The following PPARA variants were observed in gnomAD, a reference collection of about 807,000 sequenced individuals.
PPARA encodes the protein peroxisome proliferator activated receptor alpha, also known as peroxisome proliferator-activated receptor alpha.
Under a neutral mutation model 42.2 loss-of-function variants are expected in PPARA, and 22 were observed. The ratio of observed to expected loss-of-function variants is 0.52; its 90% CI spans 0.37 to 0.74. The LOEUF (loss-of-function observed/expected upper bound fraction) is 0.74. PPARA is among the 30% of genes least tolerant of loss of function. The probability of loss-of-function intolerance (pLI) is 0.00; values close to 1 mark genes in which losing one functional copy is unlikely to be tolerated. For synonymous variants in PPARA, 242 were observed against 239.3 expected (o/e 1.01, Z -0.10); for missense variants, 465 against 608.2 (o/e 0.76, Z 2.48).
chr22:46,221,374 A>G lies in PPARA; in HGVS notation c.711+1360A>G, dbSNP rs1934989185. ...ACCATATCATAAGGCTAGAAAAGGA[A>G]ACCACTTACTTCCCACTCAAAATGT... is the stretch of plus-strand genomic sequence containing the variant. On this transcript the variant is annotated intron_variant, in intron 7 of 8. Coordinates refer to ENST00000407236, the MANE Select transcript of PPARA (RefSeq NM_005036.6). This position sits in a 1 kb window ranked among gnomAD's most constrained non-coding sequence, Gnocchi z 5.9. 6.6e-6 allele frequency among the ~76,000 whole-genome samples: 1 copy of G among 152,196 alleles called. No individual in the cohort carries two copies. The highest frequency in any genetic ancestry group is 6.5e-5 in the Admixed American group (1 of 15,274).
In PPARA at chr22:46,236,004, T is replaced by G. The variant is rs969952457; in HGVS notation, c.*624T>G. The G allele has an allele frequency of 6.5e-6, 1 of 154,878 alleles. No homozygotes were observed. Among genetic ancestry groups the G allele is most frequent in the Non-Finnish European group, 1.4e-5 (1 of 69,816 alleles). 9.6% of individuals were successfully genotyped at this position (154,878 alleles called of 1,614,324 possible). A position where few individuals can be genotyped will look rare whatever the true frequency, so the allele number is the denominator to read the frequency against. ...TCGCTCATACTTGTAATCCCAGCAC[T>G]TTGGGAGGCCGAGGCGGGTGGATCA... On this transcript the variant is annotated 3_prime_UTR_variant, in exon 9 of 9. Transcript: ENST00000407236. The surrounding 1 kb of genome is among the most constrained non-coding windows in gnomAD (Gnocchi z 5.2).
Position 46,215,306 on chromosome 22 carries a change from C to T in PPARA, c.342C>T (p.Tyr114=), listed in dbSNP as rs761662939. 1.2e-6 allele frequency: 2 copies of T among 1,614,056 alleles called. No homozygotes were observed. Among genetic ancestry groups the T allele is most frequent in the African/African-American group, 1.3e-5 (1 of 74,928 alleles). The stretch of plus-strand genomic sequence containing the variant: ...GGGACAAGGCCTCAGGCTATCATTA[C>T]GGAGTCCACGCGTGTGAAGGCTGCA... ...ICGDKASGYH[Y]GVHACEGCKG... The change falls in exon 5 of 9, where the codon TAC becomes TAT. Residue 114 remains tyrosine, a synonymous_variant. Transcript: ENST00000407236.
In PPARA at chr22:46,224,179, C is replaced by A. The variant is rs889249498; in HGVS notation, c.711+4165C>A. 3.3e-5 allele frequency among the ~76,000 whole-genome samples: 5 copies of A among 152,330 alleles called. No homozygotes were observed. In the East Asian group the frequency reaches 9.7e-4, roughly 29 times the overall value. ...TGTTTGCTCCAAGCCAGGGTTGCGT[C>A]CCACCCCATGTCCTTGTCTGCGCAC... On this transcript the variant is annotated intron_variant, in intron 7 of 8. Transcript: ENST00000407236. The surrounding 1 kb of genome is among the most constrained non-coding windows in gnomAD (Gnocchi z 5.7).
At chr22:46,213,530 C>T (rs1367679955) in intron 4 of PPARA, among the ~76,000 whole-genome samples, 1 of 151,872 alleles carries the variant, frequency 6.6e-6, no homozygotes, top group East Asian at 1.9e-4. Flanking sequence ...GCCTCAGCCT[C>T]CCAAGTAGCT....
chr22:46,214,247 C>A (rs934606612), intron 4 of PPARA, among the ~76,000 whole-genome samples: 1 of 152,266 alleles, frequency 6.6e-6, no homozygotes, highest in Non-Finnish European at 1.5e-5. Flanking sequence ...AAGGCGCGGG[C>A]CCATAGATGT....
At chr22:46,214,325 G>A (rs1391727326) in intron 4 of PPARA, among the ~76,000 whole-genome samples, 1 of 150,974 alleles carries the variant, frequency 6.6e-6, no homozygotes, top group Non-Finnish European at 1.5e-5. Context: ...GTGTGGGTCC[G>A]GAGATGTGCG....
Position 46,211,943 on chromosome 22 carries a change from C to T in PPARA, c.209-3230C>T, listed in dbSNP as rs766456195. 3.3e-4 allele frequency among the ~76,000 whole-genome samples: 50 copies of T among 152,256 alleles called. No individual in the cohort carries two copies. The highest frequency in any genetic ancestry group is 6.5e-4 in the Admixed American group (10 of 15,284). On this transcript the variant is annotated intron_variant, in intron 4 of 8. Transcript: ENST00000407236. This position sits in a 1 kb window ranked among gnomAD's most constrained non-coding sequence, Gnocchi z 4.1. ...TCCTGACCTTGTGATCCACCTACCT[C>T]GGCCTCCCAAAGTGTTGGGATTACA...
chr22:46,205,118 C>T (rs1276853290), intron 4 of PPARA, among the ~76,000 whole-genome samples: 2 of 152,060 alleles, frequency 1.3e-5, no homozygotes, highest in Admixed American at 1.3e-4. Context: ...CCCACTTCGG[C>T]CTCCCAAAGT....
rs1341960674 is a variant in PPARA, at chr22:46,173,452, G to A, written c.-126-3301G>A. Among the ~76,000 whole-genome samples, 1 of 152,096 alleles carries A rather than the reference G, an allele frequency of 6.6e-6. No individual in the cohort carries two copies. The highest frequency in any genetic ancestry group is 2.4e-5 in the African/African-American group (1 of 41,402). On this transcript the variant is annotated intron_variant, in intron 2 of 8. Transcript: ENST00000407236. This position sits in a 1 kb window ranked among gnomAD's most constrained non-coding sequence, Gnocchi z 4.3. ...CGAGTTAGAGGTTCTTATTAACTGT[G>A]GATTCTTCTATGCAGATATCTGTCA...
At position 46,160,444 on chromosome 22, in the gene PPARA, G is replaced by T. The variant is rs938004222; in HGVS notation, c.-127+8474G>T. Reference sequence around the variant, plus strand: ...CCTACATAGCTGGTACTACAGGCACGCGCCACCATGCCTGGCTAAATTGTT... The same window carrying T: ...CCTACATAGCTGGTACTACAGGCACTCGCCACCATGCCTGGCTAAATTGTT... On this transcript the variant is annotated intron_variant, in intron 2 of 8. Coordinates refer to ENST00000407236, the MANE Select transcript of PPARA (RefSeq NM_005036.6). This position sits in a 1 kb window ranked among gnomAD's most constrained non-coding sequence, Gnocchi z 4.5. Among the ~76,000 whole-genome samples, 1 of 151,528 alleles carries T rather than the reference G, an allele frequency of 6.6e-6. No individual in the cohort carries two copies. Among genetic ancestry groups the T allele is most frequent in the Non-Finnish European group, 1.5e-5 (1 of 67,894 alleles).
Position 46,231,673 on chromosome 22 carries a change from A to T in PPARA, c.712-119A>T, listed in dbSNP as rs933365672. ...AGGACTATGTTCCGCGGGTATCTTG[A>T]GTCCTCTGAGGCACTGAGCTTGGTG... On this transcript the variant is annotated intron_variant, in intron 7 of 8. Transcript: ENST00000407236. The surrounding 1 kb of genome is among the most constrained non-coding windows in gnomAD (Gnocchi z 7.7). 9.8e-7 allele frequency: 1 copy of T among 1,021,180 alleles called. No homozygotes were observed. Among genetic ancestry groups the T allele is most frequent in the Non-Finnish European group, 1.5e-6 (1 of 666,440 alleles). The allele number at this position is 1,021,180 out of a possible 1,614,324, so 63.3% of individuals were successfully genotyped here. A position where few individuals can be genotyped will look rare whatever the true frequency, so the allele number is the denominator to read the frequency against.
chr22:46,206,014 A>G (rs4253713), intron 4 of PPARA, among the ~76,000 whole-genome samples: 6,573 of 152,040 alleles, frequency 0.043, 397 homozygotes, highest in African/African-American at 0.14. Flanking sequence ...TTATCTCACA[A>G]TTTGTTCTCT....
chr22:46,161,855 C>A lies in PPARA; in HGVS notation c.-127+9885C>A, dbSNP rs1274503335. Among the ~76,000 whole-genome samples the A allele has an allele frequency of 6.6e-6, 1 of 152,120 alleles. No individual in the cohort carries two copies. Among genetic ancestry groups the A allele is most frequent in the Non-Finnish European group, 1.5e-5 (1 of 68,020 alleles). ...CCCTGCGCTTTTCTGGATGCCCCCA[C>A]CCCCTCTGGCTCCACGAGGCCCCCT... On this transcript the variant is annotated intron_variant, in intron 2 of 8. Coordinates refer to ENST00000407236, the MANE Select transcript of PPARA (RefSeq NM_005036.6). The surrounding 1 kb of genome is among the most constrained non-coding windows in gnomAD (Gnocchi z 4.8).
rs1376109790 is a variant in PPARA, at chr22:46,204,716, A to G, written c.208+6125A>G. On this transcript the variant is annotated intron_variant, in intron 4 of 8. Transcript: ENST00000407236. This position sits in a 1 kb window ranked among gnomAD's most constrained non-coding sequence, Gnocchi z 5.2. ...CATTTTTTAATTGAGTTGCTTTTCT[A>G]CTATTCACTATTGAACACTATTTAT... Among the ~76,000 whole-genome samples, 1 of 152,064 alleles carries G rather than the reference A, an allele frequency of 6.6e-6. No individual in the cohort carries two copies. The highest frequency in any genetic ancestry group is 1.5e-5 in the Non-Finnish European group (1 of 68,024).
rs897841657 is a variant in PPARA at position 46,224,173 on chromosome 22, T to C, written c.711+4159T>C. 6.6e-6 allele frequency among the ~76,000 whole-genome samples: 1 copy of C among 152,176 alleles called. No individual in the cohort carries two copies. Among genetic ancestry groups the C allele is most frequent in the East Asian group, 1.9e-4 (1 of 5,186 alleles). On this transcript the variant is annotated intron_variant, in intron 7 of 8. Transcript: ENST00000407236. This position sits in a 1 kb window ranked among gnomAD's most constrained non-coding sequence, Gnocchi z 5.7. ...TCACACTGTTTGCTCCAAGCCAGGG[T>C]TGCGTCCCACCCCATGTCCTTGTCT...
intron 4 of PPARA, among the ~76,000 whole-genome samples, chr22:46,201,550 C>A (rs1460018573): frequency 6.6e-6 from 1 of 152,146 alleles, no homozygotes; most frequent in Non-Finnish European, 1.5e-5. Flanking sequence ...CCTTGAGTGG[C>A]CTGGGTAGGT....
In PPARA at chr22:46,184,099, A is replaced by G. The variant is rs1315240533; in HGVS notation, c.-43+7263A>G. 6.6e-6 allele frequency among the ~76,000 whole-genome samples: 1 copy of G among 152,228 alleles called. No individual in the cohort carries two copies. The highest frequency in any genetic ancestry group is 1.5e-5 in the Non-Finnish European group (1 of 68,052). On this transcript the variant is annotated intron_variant, in intron 3 of 8. Transcript: ENST00000407236. The surrounding 1 kb of genome is among the most constrained non-coding windows in gnomAD (Gnocchi z 4.4). ...GTGCCTGGCATAGGATAAGGGCTCA[A>G]AAAGTGTTAGCTGGAACTACTATCA...
rs1160530345 is a variant in PPARA, at chr22:46,230,564, A to G, written c.712-1228A>G. On this transcript the variant is annotated intron_variant, in intron 7 of 8. Transcript: ENST00000407236. This position sits in a 1 kb window ranked among gnomAD's most constrained non-coding sequence, Gnocchi z 5.0. ...TCTCCCACACATGTAATCCCTTCTG[A>G]GCATGTTGGCTTCAAATAATATGGC... Among the ~76,000 whole-genome samples the G allele has an allele frequency of 6.6e-6, 1 of 152,132 alleles. No individual in the cohort carries two copies. Among genetic ancestry groups the G allele is most frequent in the East Asian group, 1.9e-4 (1 of 5,202 alleles).
In PPARA at chr22:46,238,547, G is replaced by A. The variant is rs955128511; in HGVS notation, c.*3167G>A. The A allele has an allele frequency of 3.9e-5, 6 of 152,216 alleles. No individual in the cohort carries two copies. The highest frequency in any genetic ancestry group is 1.9e-4 in the East Asian group (1 of 5,196). The allele number at this position is 152,216 out of a possible 1,614,324, so 9.4% of individuals were successfully genotyped here. A position where few individuals can be genotyped will look rare whatever the true frequency, so the allele number is the denominator to read the frequency against. ...CTTCAACAAGTCATTGTTTAAACACGGTTTTTCATTTTCTCAACTTTTAAT... is the reference window on the plus strand; with the variant it reads ...CTTCAACAAGTCATTGTTTAAACACAGTTTTTCATTTTCTCAACTTTTAAT... On this transcript the variant is annotated 3_prime_UTR_variant, in exon 9 of 9. Transcript: ENST00000407236. This position sits in a 1 kb window ranked among gnomAD's most constrained non-coding sequence, Gnocchi z 8.3.
Sources: gnomAD v4.1 joint callset for allele counts (sites outside exome capture counted in the v4.1 genomes callset) on GRCh38, gnomAD v4.1.1 for gene constraint, Gnocchi (gnomAD v3.1) non-coding constraint, MANE v1.5 for transcripts, NCBI Gene and HGNC (gene_info 2026-07-23, HGNC 2026-07-21) for gene names.